TPSG1: variants seen among roughly 807,000 people sequenced by gnomAD.
TPSG1 encodes the protein tryptase gamma 1.
Under a neutral mutation model 23.8 loss-of-function variants are expected in TPSG1, and 43 were observed. The ratio of observed to expected loss-of-function variants is 1.81; its 90% CI spans 1.42 to 2.33. The LOEUF (loss-of-function observed/expected upper bound fraction) is 2.33. Ranked by LOEUF, TPSG1 falls within the 30% of genes most tolerant of loss-of-function variation. The pLI, the probability that TPSG1 is intolerant of heterozygous loss-of-function variation, is 0.00. For missense variants in TPSG1, 623 were observed against 438.6 expected, an observed-to-expected ratio of 1.42 and a Z score of -3.75; for synonymous variants, 302 against 201.3, an observed-to-expected ratio of 1.50 and a Z score of -4.23.
Position 1,223,496 on chromosome 16 carries a change from G to A in TPSG1, c.172C>T (p.Arg58Trp), listed in dbSNP as rs1242979083. ...GACCCGCCGCACACGTGCACCCTCCGCAGGCGGAGGCTGGCCTGCCATGGC... is the reference window on the plus strand; with the variant it reads ...GACCCGCCGCACACGTGCACCCTCCACAGGCGGAGGCTGGCCTGCCATGGC... Reference protein sequence around the residue: ...AWPWQASLRLRRVHVCGGSLL... With the variant: ...AWPWQASLRLWRVHVCGGSLL... Residue 58 changes from arginine to tryptophan, a missense_variant, in exon 3 of 6, where the codon CGG (arginine) becomes TGG (tryptophan). Physicochemically the swap from Arg to Trp is moderately radical, Grantham distance 101 (BLOSUM62 -3). Coordinates refer to ENST00000234798, the MANE Select transcript of TPSG1 (RefSeq NM_012467.4). 15 of 1,572,512 alleles carry A rather than the reference G, an allele frequency of 9.5e-6. No homozygotes were observed. The highest frequency in any genetic ancestry group is 2.7e-5 in the African/African-American group (2 of 74,406).
Position 1,221,783 on chromosome 16 carries a change from T to C in TPSG1, c.*5A>G, listed in dbSNP as rs867941379. 19 of 1,594,158 alleles carry C rather than the reference T, an allele frequency of 1.2e-5. No individual in the cohort carries two copies. The highest frequency in any genetic ancestry group is 1.7e-4 in the Middle Eastern group (1 of 5,966). On this transcript the variant is annotated 3_prime_UTR_variant, in exon 6 of 6. Coordinates refer to ENST00000234798, the MANE Select transcript of TPSG1 (RefSeq NM_012467.4). ...TATTTAAGAAATGCACTTGGATTCC[T>C]GCCATCAGTCAGGGGCGGGGAAGGG...
rs773893756 is a variant in TPSG1 at position 1,222,877 on chromosome 16, G to T, written c.286C>A (p.Leu96Met). ...SSDYQVHLGE[L>M]EITLSPHFST... is the part of the protein sequence containing the mutation. The stretch of plus-strand genomic sequence containing the variant: ...AAGTGGGGAGACAGAGTGATCTCCA[G>T]TTCCCCCAGGTGCACCTGGTAGTCG... The change falls in exon 4 of 6, where the codon CTG (leucine) becomes ATG (methionine). Residue 96 changes from leucine (L) to methionine (M), a missense_variant. Physicochemically the swap from Leu to Met is conservative, Grantham distance 15. Coordinates refer to ENST00000234798, the MANE Select transcript of TPSG1 (RefSeq NM_012467.4). The T allele has an allele frequency of 1.9e-6, 3 of 1,609,094 alleles. No homozygotes were observed. Among genetic ancestry groups the T allele is most frequent in the South Asian group, 1.1e-5 (1 of 90,338 alleles).
intron 4 of TPSG1, 39 bp downstream of exon 4, chr16:1,222,613 G>T: frequency 2.0e-6 from 3 of 1,518,754 alleles, no homozygotes; most frequent in Non-Finnish European, 2.7e-6. Flanking sequence ...TGCCGCCCTT[G>T]CCTTCCTCCA....
intron 3 of TPSG1, among the ~76,000 whole-genome samples, chr16:1,223,143 CCAG>C (rs773008077): frequency 1.1e-4 from 16 of 152,218 alleles, no homozygotes; most frequent in Non-Finnish European, 2.4e-4. Flanking sequence ...ATGCCCGACA[CCAG>C]CAGGGGCTGG....
intron 5 of TPSG1, 47 bp from the exon 6 acceptor site, chr16:1,222,143 C>T (rs1338607253): frequency 2.3e-5 from 37 of 1,611,770 alleles, no homozygotes; most frequent in Non-Finnish European, 3.0e-5. Context: ...GATGGGGAGC[C>T]CCTCCCTGGG....
Position 1,224,582 on chromosome 16 carries a change from C to T in TPSG1, c.73+20G>A, listed in dbSNP as rs1567567072. 6.2e-7 allele frequency: 1 copy of T among 1,613,764 alleles called. No homozygotes were observed. Among genetic ancestry groups the T allele is most frequent in the Non-Finnish European group, 8.5e-7 (1 of 1,179,810 alleles). On this transcript the variant is annotated intron_variant, in intron 2 of 5. Transcript: ENST00000234798. ...CTTGCCTGCACCCTCCCCCACACCCCACACCTGTCAGAGACGTACCTGGCT... is the reference window on the plus strand; with the variant it reads ...CTTGCCTGCACCCTCCCCCACACCCTACACCTGTCAGAGACGTACCTGGCT...
intron 2 of TPSG1, chr16:1,223,877 C>T (rs900853912): frequency 1.7e-5 from 8 of 479,172 alleles, no homozygotes; most frequent in South Asian, 2.8e-5. Context: ...GGCCCCTAGG[C>T]GGCTAGAAAG....
chr16:1,222,119 T>C (rs748224506), intron 5 of TPSG1, 23 bp from the exon 6 acceptor site: 9 of 1,612,214 alleles, frequency 5.6e-6, no homozygotes, highest in African/African-American at 4.0e-5. Context: ...AAGGCGAGCA[T>C]TGGGAGCCGA....
Position 1,222,225 on chromosome 16 carries a change from A to G in TPSG1, c.628T>C (p.Cys210Arg). The G allele has an allele frequency of 3.1e-6, 5 of 1,611,778 alleles. No homozygotes were observed. The highest frequency in any genetic ancestry group is 4.2e-6 in the Non-Finnish European group (5 of 1,179,774). ...CAGGCATCCCCGGGGCCCCGGGCAC[A>G]CAGCATGTCGGGCTGAAGGATGCTG... ...GGSILQPDML[C>R]ARGPGDACQD... Residue 210 changes from cysteine (C) to arginine (R), a missense_variant, in exon 5 of 6, where the codon TGT (cysteine) becomes CGT (arginine). By Grantham distance (180) the Cys-to-Arg change is radical. Coordinates refer to ENST00000234798, the MANE Select transcript of TPSG1 (RefSeq NM_012467.4).
At position 1,221,745 on chromosome 16, in the gene TPSG1, A is replaced by G; in HGVS notation, c.*43T>C. 6.5e-7 allele frequency: 1 copy of G among 1,540,710 alleles called. No homozygotes were observed. The highest frequency in any genetic ancestry group is 8.8e-7 in the Non-Finnish European group (1 of 1,138,274). ...AGGGAGAGGGAGGGGGCGGAGCGGA[A>G]TAAATAGTAACTTATTTAAGAAATG... On this transcript the variant is annotated 3_prime_UTR_variant, in exon 6 of 6. Transcript: ENST00000234798.
chr16:1,223,908 C>T (rs1416593949), intron 2 of TPSG1: 1 of 417,590 alleles, frequency 2.4e-6, no homozygotes. Flanking sequence ...CGGTGGAGCC[C>T]CCGAGAAGGC....
rs1970543350 is a variant in TPSG1, at chr16:1,222,449, A to G, written c.512-108T>C. On this transcript the variant is annotated intron_variant, in intron 4 of 5. Coordinates refer to ENST00000234798, the MANE Select transcript of TPSG1 (RefSeq NM_012467.4). ...GTCCCATGCCACCACGACCCTCGTC[A>G]CGGCACGTGGGTTGTGATCTGACGT... is the stretch of plus-strand genomic sequence containing the variant. 6 of 1,246,558 alleles carry G rather than the reference A, an allele frequency of 4.8e-6. No homozygotes were observed. In the East Asian group the frequency reaches 1.2e-4, roughly 24 times the overall value. 77.2% of individuals were successfully genotyped at this position (1,246,558 alleles called of 1,614,324 possible). A position where few individuals can be genotyped will look rare whatever the true frequency, so the allele number is the denominator to read the frequency against.
In TPSG1 at chr16:1,223,696, A is replaced by G. The variant is rs1443777261; in HGVS notation, c.74-102T>C. On this transcript the variant is annotated intron_variant, in intron 2 of 5. Transcript: ENST00000234798. ...ACCACACCTCCCTGCCTTCTTGGGG[A>G]CTTTGCTCTTCAGCTCTCTCGTCTG... The G allele has an allele frequency of 3.6e-6, 5 of 1,372,704 alleles. No homozygotes were observed. In the African/African-American group the frequency reaches 7.5e-5, roughly 21 times the overall value. 85.0% of individuals were successfully genotyped at this position (1,372,704 alleles called of 1,614,324 possible). A position where few individuals can be genotyped will look rare whatever the true frequency, so the allele number is the denominator to read the frequency against.
At chr16:1,222,392 A>C in intron 4 of TPSG1, 51 bp from the exon 5 acceptor site, 3 of 1,482,272 alleles carry the variant, frequency 2.0e-6, no homozygotes, top group Non-Finnish European at 1.8e-6. Flanking sequence ...CAGGCCCTGC[A>C]CTGGGGGGAT....
rs756016062 is a variant in TPSG1 at position 1,222,663 on chromosome 16, G to T, written c.500C>A (p.Thr167Lys). Residue 167 changes from threonine to lysine, a missense_variant, in exon 4 of 6, where the codon ACG becomes AAG. Transcript: ENST00000234798. ...CGGGGGCTCCTCACCTCCCTCCCGCGTATAGCCCCAGCCGGTCACCCAGCA... is the reference window on the plus strand; with the variant it reads ...CGGGGGCTCCTCACCTCCCTCCCGCTTATAGCCCCAGCCGGTCACCCAGCA... Reference protein sequence around the residue: ...IRCWVTGWGYTREGEPLPPPY... With the variant: ...IRCWVTGWGYKREGEPLPPPY... 5 of 1,561,542 alleles carry T rather than the reference G, an allele frequency of 3.2e-6. No homozygotes were observed. In the African/African-American group the frequency reaches 4.1e-5, roughly 13 times the overall value.
chr16:1,225,176 C>T, intron 1 of TPSG1, 31 bp downstream of exon 1: 1 of 1,560,016 alleles, frequency 6.4e-7, no homozygotes, highest in Non-Finnish European at 8.7e-7. Flanking sequence ...CAGATGCCCC[C>T]CCATCCCCAC....
rs202241525 is a variant in TPSG1 at position 1,222,162 on chromosome 16, G to A, written c.657+34C>T. The A allele has an allele frequency of 1.8e-4, 296 of 1,611,260 alleles. 1 individual carries two copies. The highest frequency in any genetic ancestry group is 1.6e-4 in the Middle Eastern group (1 of 6,066). ...GGGAGCCCCTCCCTGGGCTTCAGCC[G>A]CCCCCATCCTCTGTCACGGCCTGGC... On this transcript the variant is annotated intron_variant, in intron 5 of 5. Coordinates refer to ENST00000234798, the MANE Select transcript of TPSG1 (RefSeq NM_012467.4).
At chr16:1,222,386 C>A in intron 4 of TPSG1, 45 bp from the exon 5 acceptor site, 1 of 1,517,684 alleles carries the variant, frequency 6.6e-7, no homozygotes, top group Non-Finnish European at 8.9e-7. Context: ...GGGCACCAGG[C>A]CCTGCACTGG....
Position 1,222,328 on chromosome 16 carries a change from G to C in TPSG1, c.525C>G (p.Pro175=). ...CTTTCACCTCCCGCAGGCTGTACGG[G>C]GGTGGCAGAGGCTCTGGGGTGGGGG... The part of the protein sequence containing the change: ...GYTREGEPLP[P]PYSLREVKVS... The change falls in exon 5 of 6, where the codon CCC becomes CCG. Residue 175 remains proline (P), a synonymous_variant. Coordinates refer to ENST00000234798, the MANE Select transcript of TPSG1 (RefSeq NM_012467.4). 6.3e-7 allele frequency: 1 copy of C among 1,599,934 alleles called. No individual in the cohort carries two copies. The highest frequency in any genetic ancestry group is 8.5e-7 in the Non-Finnish European group (1 of 1,171,944).
Sources: gnomAD v4.1 joint callset for allele counts (sites outside exome capture counted in the v4.1 genomes callset) on GRCh38, gnomAD v4.1.1 for gene constraint, MANE v1.5 for transcripts, NCBI Gene and HGNC (gene_info 2026-07-23, HGNC 2026-07-21) for gene names.